Variants in ROBO2 observed in about 807,000 individuals in gnomAD.
ROBO2 encodes the protein roundabout guidance receptor 2, also known as roundabout homolog 2.
Under a neutral mutation model 160.8 loss-of-function variants are expected in ROBO2, and 53 were observed. The ratio of observed to expected loss-of-function variants is 0.33; its 90% CI spans 0.26 to 0.41. The LOEUF (loss-of-function observed/expected upper bound fraction) is 0.41. ROBO2 is among the 10% of genes least tolerant of loss of function. ROBO2 has a pLI of 1.00. For missense variants in ROBO2, 1,577 were observed against 1,722.4 expected (o/e 0.92, Z 1.49); for synonymous variants, 664 against 611.7 (o/e 1.09, Z -1.26).
At chr3:77,345,351 C>T (rs1234956612) in intron 2 of ROBO2, among the ~76,000 whole-genome samples, 2 of 152,042 alleles carry the variant, frequency 1.3e-5, no homozygotes, top group African/African-American at 4.8e-5. Context: ...AATCACACAC[C>T]CTTACCACAC....
chr3:76,547,660 G>T (rs2083185972), intron 2 of ROBO2, among the ~76,000 whole-genome samples: 1 of 152,002 alleles, frequency 6.6e-6, no homozygotes, highest in South Asian at 2.1e-4. Flanking sequence ...CTCATTATTT[G>T]TGATACTTCT....
chr3:76,422,973 A>G (rs1577088438), intron 2 of ROBO2, among the ~76,000 whole-genome samples: 1 of 152,162 alleles, frequency 6.6e-6, no homozygotes, highest in East Asian at 1.9e-4. Context: ...TAAACTCGGT[A>G]GGATACCTAA....
chr3:77,161,540 T>C (rs745716549), intron 2 of ROBO2, among the ~76,000 whole-genome samples: 2 of 152,218 alleles, frequency 1.3e-5, no homozygotes, highest in Non-Finnish European at 2.9e-5. Flanking sequence ...TTGCATAACC[T>C]GAAGAGAGTA....
At chr3:76,823,717 A>T (rs533146828) in intron 2 of ROBO2, among the ~76,000 whole-genome samples, 1 of 152,320 alleles carries the variant, frequency 6.6e-6, no homozygotes, top group African/African-American at 2.4e-5. Context: ...TGTTTTAAAG[A>T]TTAAAAATAA....
At chr3:76,776,116 A>C (rs939739590) in intron 2 of ROBO2, among the ~76,000 whole-genome samples, 1 of 150,914 alleles carries the variant, frequency 6.6e-6, no homozygotes, top group African/African-American at 2.4e-5. Flanking sequence ...TTGACAGAAC[A>C]TACATTTTGA....
intron 2 of ROBO2, among the ~76,000 whole-genome samples, chr3:76,356,189 A>G (rs992668562): frequency 6.6e-6 from 1 of 151,704 alleles, no homozygotes; most frequent in African/African-American, 2.4e-5. Context: ...ACAAGAGATT[A>G]TAGCTAAAAT....
intron 2 of ROBO2, among the ~76,000 whole-genome samples, chr3:77,364,842 G>T (rs535434436): frequency 1.3e-5 from 2 of 152,104 alleles, no homozygotes; most frequent in African/African-American, 2.4e-5. Context: ...AGATTAATAG[G>T]AGAAAAGTTT....
chr3:76,192,581 G>GT (rs1180559621), intron 2 of ROBO2, among the ~76,000 whole-genome samples: 179 of 134,328 alleles, frequency 1.3e-3, no homozygotes, highest in East Asian at 7.6e-3. Context: ...CGTCATAAAA[G>GT]TTTTTTTTTT....
chr3:77,490,299 C>G (rs911099633), intron 4 of ROBO2, among the ~76,000 whole-genome samples: 7 of 151,906 alleles, frequency 4.6e-5, no homozygotes, highest in African/African-American at 1.5e-4. Context: ...ACCGTGTTAG[C>G]CAGGATGGTC....
At chr3:76,652,817 T>TA (rs1354611131) in intron 2 of ROBO2, among the ~76,000 whole-genome samples, 1 of 151,788 alleles carries the variant, frequency 6.6e-6, no homozygotes. Flanking sequence ...GCTTGAAAAA[T>TA]AAAGAATAGT....
At chr3:76,562,407 C>T (rs912569601) in intron 2 of ROBO2, among the ~76,000 whole-genome samples, 1 of 151,512 alleles carries the variant, frequency 6.6e-6, no homozygotes, top group Non-Finnish European at 1.5e-5. Context: ...GTCTTTCAAG[C>T]TTCCTACTGA....
intron 2 of ROBO2, among the ~76,000 whole-genome samples, chr3:77,348,295 A>C (rs2067901800): frequency 6.6e-6 from 1 of 152,178 alleles, no homozygotes; most frequent in African/African-American, 2.4e-5. Flanking sequence ...TATGCTAAAC[A>C]AGGGGTGGAT....
intron 2 of ROBO2, among the ~76,000 whole-genome samples, chr3:76,213,894 C>T (rs1051688657): frequency 1.3e-5 from 2 of 150,798 alleles, no homozygotes; most frequent in Admixed American, 1.3e-4. Flanking sequence ...AAAATAGAAC[C>T]AATAGGATAA....
At chr3:76,018,217 T>C (rs1261358816) in intron 2 of ROBO2, among the ~76,000 whole-genome samples, 3 of 152,042 alleles carry the variant, frequency 2.0e-5, no homozygotes, top group South Asian at 2.1e-4. Flanking sequence ...AAAAATGATA[T>C]TGACTTAAAA....
chr3:77,373,177 ATAT>A (rs1358342225), intron 2 of ROBO2, among the ~76,000 whole-genome samples: 3 of 147,524 alleles, frequency 2.0e-5, no homozygotes, highest in African/African-American at 4.9e-5. Context: ...ATTATATAAA[ATAT>A]TATATTTTAA....
rs186316724 is a variant in ROBO2 at position 77,363,606 on chromosome 3, G to A, written c.389-113808G>A. Reference sequence around the variant, plus strand: ...AGAATGGACAGCCGTCTAGAAATGCGACTGGACAAAAGGATATGATTTGCT... The same window carrying A: ...AGAATGGACAGCCGTCTAGAAATGCAACTGGACAAAAGGATATGATTTGCT... On this transcript the variant is annotated intron_variant, in intron 2 of 25. Coordinates refer to ENST00000461745, the Ensembl canonical transcript of ROBO2. Among the ~76,000 whole-genome samples the A allele has an allele frequency of 2.6e-4, 39 of 152,230 alleles. No homozygotes were observed. In the South Asian group the frequency reaches 5.8e-3, roughly 23 times the overall value.
chr3:76,453,140 A>C (rs1005097328), intron 2 of ROBO2, among the ~76,000 whole-genome samples: 5 of 152,056 alleles, frequency 3.3e-5, no homozygotes, highest in African/African-American at 7.2e-5. Flanking sequence ...GTTCACTCTG[A>C]TGGTAGTTTC....
intron 2 of ROBO2, among the ~76,000 whole-genome samples, chr3:77,114,775 G>T (rs531871442): frequency 2.6e-5 from 4 of 151,960 alleles, no homozygotes; most frequent in African/African-American, 9.7e-5. Context: ...AAAAAGCAAA[G>T]AAGTAATTTT....
At position 77,583,150 on chromosome 3, in the gene ROBO2, T is replaced by TA. The variant is rs1259012356; in HGVS notation, c.2500+3032_2500+3033insA. The stretch of plus-strand genomic sequence containing the variant: ...GGGTCACTGAGCGAGACTCTGTCTC[T>TA]CCAAAAAAAAAAAAAAAAAAAAAAG... On this transcript the variant is annotated intron_variant, in intron 16 of 25. Transcript: ENST00000461745. 7.1e-3 allele frequency among the ~76,000 whole-genome samples: 390 copies of TA among 54,942 alleles called. 22 individuals are homozygous for TA. The highest frequency in any genetic ancestry group is 0.023 in the Middle Eastern group (1 of 44). 36.0% of individuals were successfully genotyped at this position (54,942 alleles called of 152,430 possible). A position where few individuals can be genotyped will look rare whatever the true frequency, so the allele number is the denominator to read the frequency against.
Sources: gnomAD v4.1 joint callset for allele counts (sites outside exome capture counted in the v4.1 genomes callset) on GRCh38, gnomAD v4.1.1 for gene constraint, MANE v1.5 for transcripts, NCBI Gene and HGNC (gene_info 2026-07-23, HGNC 2026-07-21) for gene names.